Variants in LAMB4 observed in about 807,000 individuals in gnomAD.
LAMB4 encodes the protein laminin subunit beta-4.
LAMB4 carries 196 observed loss-of-function variants against 199.2 expected under a neutral mutation model. The ratio of observed to expected loss-of-function variants is 0.98; its 90% CI spans 0.88 to 1.11. The LOEUF (loss-of-function observed/expected upper bound fraction) is 1.11. LAMB4 is among the 50% of genes least tolerant of loss of function. The probability of loss-of-function intolerance (pLI) is 0.00; values close to 1 mark genes in which losing one functional copy is unlikely to be tolerated. For missense variants in LAMB4, 2,080 were observed against 2,171.2 expected (o/e 0.96, Z 0.83); for synonymous variants, 744 against 770.6 (o/e 0.97, Z 0.57).
intron 31 of LAMB4, among the ~76,000 whole-genome samples, chr7:108,032,966 A>G (rs1053919275): frequency 6.6e-6 from 1 of 152,174 alleles, no homozygotes; most frequent in Admixed American, 6.5e-5. Context: ...AGACTATCAA[A>G]AGTTTCTTAC....
Position 108,068,134 on chromosome 7 carries a change from T to C in LAMB4, c.2328A>G (p.Ser776=). 1 of 1,614,164 alleles carries C rather than the reference T, an allele frequency of 6.2e-7. No individual in the cohort carries two copies. The highest frequency in any genetic ancestry group is 8.5e-7 in the Non-Finnish European group (1 of 1,180,020). Residue 776 remains serine (S), a synonymous_variant, in exon 19 of 34, where the codon TCA becomes TCG. Coordinates refer to ENST00000388781, the MANE Select transcript of LAMB4 (RefSeq NM_007356.3). ...CAAGTCGGCTGCAGCTGGATCCGAC[T>C]GAGCCCTGGGGGTGACACTTGCAGG... The part of the protein sequence containing the change: ...AVACKCHPQG[S]VGSSCSRLGG...
intron 17 of LAMB4, among the ~76,000 whole-genome samples, chr7:108,073,097 C>T (rs537773113): frequency 1.3e-5 from 2 of 152,332 alleles, no homozygotes; most frequent in African/African-American, 4.8e-5. Context: ...CCTCTGCCTC[C>T]AGGTTCAAGT....
the LAMB4 span, among the ~76,000 whole-genome samples, chr7:108,016,275 ATTT>A: frequency 1.4e-4 from 14 of 97,846 alleles, no homozygotes; most frequent in Admixed American, 5.0e-4. Context: ...GCATTTTGGA[ATTT>A]TTTTTTTTTT....
At chr7:108,033,790 C>G (rs1020979861) in intron 31 of LAMB4, among the ~76,000 whole-genome samples, 4 of 145,230 alleles carry the variant, frequency 2.8e-5, no homozygotes, top group Admixed American at 7.1e-5. Flanking sequence ...AGATTTCATG[C>G]ACATTTAATT....
At chr7:108,087,706 T>G (rs761208316) in intron 14 of LAMB4, among the ~76,000 whole-genome samples, 3 of 149,058 alleles carry the variant, frequency 2.0e-5, no homozygotes, top group Non-Finnish European at 4.4e-5. Context: ...TCCTTCTCCA[T>G]GTAAGAGGAG....
At chr7:108,033,583 A>G (rs1391665217) in intron 31 of LAMB4, among the ~76,000 whole-genome samples, 1 of 151,496 alleles carries the variant, frequency 6.6e-6, no homozygotes, top group East Asian at 1.9e-4. Flanking sequence ...TAATTTTTGT[A>G]TTTTTCATAG....
At chr7:108,043,599 A>G (rs2035507982) in intron 29 of LAMB4, among the ~76,000 whole-genome samples, 153 bp downstream of exon 29, 2 of 29,942 alleles carry the variant, frequency 6.7e-5, no homozygotes, top group Admixed American at 4.4e-4. Context: ...TTTTTTTTTG[A>G]GACGGAGTCT....
At chr7:108,046,428 A>C (rs1304815301) in intron 28 of LAMB4, among the ~76,000 whole-genome samples, 2 of 151,964 alleles carry the variant, frequency 1.3e-5, no homozygotes, top group African/African-American at 4.8e-5. Context: ...AAGAATGCTT[A>C]GTGATACAAT....
At chr7:108,128,381 G>A (rs2038868852) in intron 1 of LAMB4, among the ~76,000 whole-genome samples, 1 of 152,126 alleles carries the variant, frequency 6.6e-6, no homozygotes, top group Non-Finnish European at 1.5e-5. Context: ...GAGGCCAGGG[G>A]TGCTGCTAAG....
chr7:108,012,184 CAT>C, the LAMB4 span, among the ~76,000 whole-genome samples: 7 of 151,532 alleles, frequency 4.6e-5, no homozygotes, highest in African/African-American at 1.7e-4. Context: ...TATATAAACA[CAT>C]GAATAAAGTT....
chr7:108,047,903 T>C lies in LAMB4; in HGVS notation c.4326+5A>G. The C allele has an allele frequency of 6.2e-7, 1 of 1,608,818 alleles. No individual in the cohort carries two copies. Among genetic ancestry groups the C allele is most frequent in the Non-Finnish European group, 8.5e-7 (1 of 1,175,164 alleles). On this transcript the variant is annotated splice_donor_5th_base_variant and intron_variant, in intron 28 of 33. Transcript: ENST00000388781. ...TTTACAAATAAAGCAAGAGAAGATA[T>C]TTACCTGATTTTTCAACCCACGAAC...
intron 23 of LAMB4, chr7:108,062,255 T>C (rs960829811): frequency 6.6e-6 from 1 of 152,212 alleles, no homozygotes; most frequent in African/African-American, 2.4e-5. Context: ...ACATTGAAGA[T>C]TTGCTCCTGG....
chr7:108,022,794 AT>A (rs1182163201), downstream of LAMB4, among the ~76,000 whole-genome samples: 1 of 151,910 alleles, frequency 6.6e-6, no homozygotes, highest in Non-Finnish European at 1.5e-5. Flanking sequence ...CTTTTGTTGA[AT>A]TTTTAAATCT....
Position 108,111,959 on chromosome 7 carries a change from A to G in LAMB4, c.193-13T>C, listed in dbSNP as rs2038242581. ...ATTTTTGTTCCCCCTGGAAAACACC[A>G]TTATTAAAATTAAAAATAAAAATTG... On this transcript the variant is annotated splice_polypyrimidine_tract_variant and intron_variant, in intron 3 of 33. Coordinates refer to ENST00000388781, the MANE Select transcript of LAMB4 (RefSeq NM_007356.3). 6.3e-7 allele frequency: 1 copy of G among 1,579,564 alleles called. No individual in the cohort carries two copies. Among genetic ancestry groups the G allele is most frequent in the African/African-American group, 1.4e-5 (1 of 73,122 alleles).
At chr7:108,078,994 C>T (rs1436649146) in intron 15 of LAMB4, among the ~76,000 whole-genome samples, 2 of 152,210 alleles carry the variant, frequency 1.3e-5, no homozygotes, top group Non-Finnish European at 2.9e-5. Context: ...CACCCCCCTC[C>T]AGCCATATCA....
At chr7:108,053,261 C>G (rs931239243) in intron 25 of LAMB4, among the ~76,000 whole-genome samples, 2 of 152,140 alleles carry the variant, frequency 1.3e-5, no homozygotes, top group African/African-American at 4.8e-5. Flanking sequence ...AGTAGCTTGC[C>G]GAAAGCCACA....
chr7:108,091,773 G>A lies in LAMB4; in HGVS notation c.1554C>T (p.Cys518=), dbSNP rs1209797345. ...ATTCACACTGCCCATTCTTGGGTGA[G>A]CACCTGAGGAAAAAGCAATTCATCA... The part of the protein sequence containing the change: ...CDIGGAYSNV[C]SPKNGQCECR... The change falls in exon 14 of 34, where the codon TGC becomes TGT. Residue 518 remains cysteine, a synonymous_variant. Coordinates refer to ENST00000388781, the MANE Select transcript of LAMB4 (RefSeq NM_007356.3). The A allele has an allele frequency of 2.5e-6, 4 of 1,613,080 alleles. No homozygotes were observed.
chr7:108,096,767 CAAA>C (rs1207456579), intron 11 of LAMB4, among the ~76,000 whole-genome samples: 6 of 67,562 alleles, frequency 8.9e-5, no homozygotes, highest in Admixed American at 3.4e-4. Flanking sequence ...CTCCGTCTCT[CAAA>C]AAAAAAAAAA....
chr7:108,052,049 T>C lies in LAMB4; in HGVS notation c.3916+48A>G, dbSNP rs761483052. 5 of 1,528,914 alleles carry C rather than the reference T, an allele frequency of 3.3e-6. No individual in the cohort carries two copies. The East Asian group carries it at 9.1e-5, about 28-fold the overall frequency. 94.7% of individuals were successfully genotyped at this position (1,528,914 alleles called of 1,614,324 possible). On this transcript the variant is annotated intron_variant, in intron 26 of 33. Coordinates refer to ENST00000388781, the MANE Select transcript of LAMB4 (RefSeq NM_007356.3). ...CTCACTAATGGAATGCACTGTGGATTTCATCAAACTTTGTGCAGACACAGT... is the reference window on the plus strand; with the variant it reads ...CTCACTAATGGAATGCACTGTGGATCTCATCAAACTTTGTGCAGACACAGT...
Sources: allele counts gnomAD v4.1 joint callset (sites outside exome capture counted in the v4.1 genomes callset), GRCh38; gene constraint gnomAD v4.1.1; transcripts MANE v1.5; gene names NCBI Gene and HGNC (gene_info 2026-07-23, HGNC 2026-07-21).